Variants in KCNQ1 observed in about 807,000 individuals in gnomAD.
KCNQ1 encodes the protein potassium voltage-gated channel subfamily KQT member 1.
KCNQ1 carries 49 observed loss-of-function variants against 72.4 expected under a neutral mutation model. That is an observed-to-expected ratio of 0.68 (90% CI 0.54 to 0.86). KCNQ1 has a LOEUF of 0.86. KCNQ1 is among the 40% of genes least tolerant of loss of function. The pLI is 0.00. For synonymous variants in KCNQ1, 450 were observed against 412.6 expected, an observed-to-expected ratio of 1.09 and a Z score of -1.10; for missense variants, 790 against 945.1, an observed-to-expected ratio of 0.84 and a Z score of 2.15.
At position 2,495,594 on chromosome 11, in the gene KCNQ1, A is replaced by T. The variant is rs1195505539; in HGVS notation, c.387-32334A>T. Among the ~76,000 whole-genome samples, 6 of 151,840 alleles carry T rather than the reference A, an allele frequency of 4.0e-5. No individual in the cohort carries two copies. Among genetic ancestry groups the T allele is most frequent in the Non-Finnish European group, 8.8e-5 (6 of 67,972 alleles). On this transcript the variant is annotated intron_variant, in intron 1 of 15. Transcript: ENST00000155840. The surrounding 1 kb of genome is among the most constrained non-coding windows in gnomAD (Gnocchi z 4.6). The stretch of plus-strand genomic sequence containing the variant: ...TATTTCTGCCTTGATTTTGTTATTT[A>T]CTCAGTAGTCATTCAGTAGCAGGTT...
rs1472286520 is a variant in KCNQ1, at chr11:2,600,460, CCT to C, written c.1393+11607_1393+11608del. On this transcript the variant is annotated intron_variant, in intron 10 of 15. Transcript: ENST00000155840. This position sits in a 1 kb window ranked among gnomAD's most constrained non-coding sequence, Gnocchi z 5.6. ...CCACATTTGCTTTATCATTTGAACC[CCT>C]TTCTCTACATTATATTCACATAACA... 6.6e-6 allele frequency among the ~76,000 whole-genome samples: 1 copy of C among 152,194 alleles called. No individual in the cohort carries two copies. Among genetic ancestry groups the C allele is most frequent in the Admixed American group, 6.5e-5 (1 of 15,276 alleles).
At chr11:2,812,505 C>T (rs994307754) in intron 15 of KCNQ1, among the ~76,000 whole-genome samples, 5 of 152,208 alleles carry the variant, frequency 3.3e-5, no homozygotes, top group Admixed American at 6.5e-5. Context: ...CTGCCGGGGC[C>T]GGAAGGGCAT....
intron 15 of KCNQ1, among the ~76,000 whole-genome samples, chr11:2,806,232 C>T (rs913918512): frequency 6.6e-6 from 1 of 152,074 alleles, no homozygotes; most frequent in African/African-American, 2.4e-5. Flanking sequence ...AAATTTCTCC[C>T]GTAAGTGGTT....
chr11:2,718,006 G>T (rs1286400787), intron 11 of KCNQ1, among the ~76,000 whole-genome samples: 1 of 152,254 alleles, frequency 6.6e-6, no homozygotes, highest in Non-Finnish European at 1.5e-5. Flanking sequence ...GTCTGTCGCA[G>T]AAGTGAACCT....
At chr11:2,667,795 C>T (rs553622058) in intron 11 of KCNQ1, 12 of 398,656 alleles carry the variant, frequency 3.0e-5, no homozygotes, top group Admixed American at 1.3e-4. Flanking sequence ...TAATTAGGCT[C>T]ACCTGGGCTA....
At chr11:2,569,127 G>A (rs1435600761) in intron 2 of KCNQ1, among the ~76,000 whole-genome samples, 1 of 152,116 alleles carries the variant, frequency 6.6e-6, no homozygotes, top group Non-Finnish European at 1.5e-5. Flanking sequence ...CTCGTGATCT[G>A]CCTGCCTCGG....
rs1168555079 is a variant in KCNQ1 at position 2,560,587 on chromosome 11, A to G, written c.478-10041A>G. ...TGGGGGAGACAGTAACATCCCAAACATGGGGGATGATGTCCAGAGTGGGGG... is the reference window on the plus strand; with the variant it reads ...TGGGGGAGACAGTAACATCCCAAACGTGGGGGATGATGTCCAGAGTGGGGG... On this transcript the variant is annotated intron_variant, in intron 2 of 15. Coordinates refer to ENST00000155840, the MANE Select transcript of KCNQ1 (RefSeq NM_000218.3). Among the ~76,000 whole-genome samples the G allele has an allele frequency of 2.1e-5, 3 of 140,476 alleles. No individual in the cohort carries two copies. In the East Asian group the frequency reaches 6.9e-4, roughly 32 times the overall value. 92.2% of individuals were successfully genotyped at this position (140,476 alleles called of 152,430 possible).
At chr11:2,680,549 A>C (rs1850378710) in intron 11 of KCNQ1, 1 of 398,434 alleles carries the variant, frequency 2.5e-6, no homozygotes, top group South Asian at 1.3e-4. Flanking sequence ...AGTTCTAAGA[A>C]ACAACACAGA....
chr11:2,500,691 G>T (rs886333077), intron 1 of KCNQ1, among the ~76,000 whole-genome samples: 13 of 152,272 alleles, frequency 8.5e-5, no homozygotes, highest in African/African-American at 3.1e-4. Flanking sequence ...GTACTATGCA[G>T]CCATAAAAAA....
At chr11:2,675,948 A>G (rs1425717862) in intron 11 of KCNQ1, 1 of 398,556 alleles carries the variant, frequency 2.5e-6, no homozygotes, top group East Asian at 3.6e-5. Context: ...GGTAAAACCA[A>G]TTCAGAGTAC....
Position 2,588,952 on chromosome 11 carries a change from G to C in KCNQ1, c.1393+98G>C. 1.4e-6 allele frequency: 2 copies of C among 1,411,208 alleles called. No individual in the cohort carries two copies. The highest frequency in any genetic ancestry group is 2.0e-6 in the Non-Finnish European group (2 of 1,022,358). 87.4% of individuals were successfully genotyped at this position (1,411,208 alleles called of 1,614,324 possible). On this transcript the variant is annotated intron_variant, in intron 10 of 15. Transcript: ENST00000155840. This position sits in a 1 kb window ranked among gnomAD's most constrained non-coding sequence, Gnocchi z 5.6. ...CCAGTGAGTTTCTCCCTTGGGCTGT[G>C]GTCTCTGACAACGAGGTATGAACAG...
At chr11:2,628,294 A>G (rs2106462) in intron 10 of KCNQ1, 34,674 of 398,388 alleles carry the variant, frequency 0.087, 1,568 homozygotes, top group South Asian at 0.14. Context: ...CCTCACCAAC[A>G]CTTGCTATCT....
At chr11:2,454,991 C>T (rs957565262) in intron 1 of KCNQ1, among the ~76,000 whole-genome samples, 4 of 152,048 alleles carry the variant, frequency 2.6e-5, no homozygotes, top group South Asian at 4.1e-4. Flanking sequence ...CTCCCTTCAC[C>T]GATGATGATA....
rs1406611867 is a variant in KCNQ1 at position 2,598,360 on chromosome 11, A to T, written c.1393+9506A>T. Among the ~76,000 whole-genome samples the T allele has an allele frequency of 6.6e-6, 1 of 152,154 alleles. No homozygotes were observed. Among genetic ancestry groups the T allele is most frequent in the Non-Finnish European group, 1.5e-5 (1 of 68,026 alleles). ...TATCACTGTTATTTATTTCTAATTTAGTAGGCTTACAGTGAAAGGATGTAG... is the reference window on the plus strand; with the variant it reads ...TATCACTGTTATTTATTTCTAATTTTGTAGGCTTACAGTGAAAGGATGTAG... On this transcript the variant is annotated intron_variant, in intron 10 of 15. Transcript: ENST00000155840. The surrounding 1 kb of genome is among the most constrained non-coding windows in gnomAD (Gnocchi z 6.2).
chr11:2,475,927 A>G lies in KCNQ1; in HGVS notation c.386+30443A>G, dbSNP rs1373040502. On this transcript the variant is annotated intron_variant, in intron 1 of 15. Transcript: ENST00000155840. This position sits in a 1 kb window ranked among gnomAD's most constrained non-coding sequence, Gnocchi z 5.8. ...CCAGCCACATGGAACTGTAAGTCCA[A>G]TTAAACCTCTTTCTTTTGTACATTT... Among the ~76,000 whole-genome samples the G allele has an allele frequency of 3.3e-5, 5 of 152,218 alleles. No homozygotes were observed. The highest frequency in any genetic ancestry group is 2.6e-4 in the Admixed American group (4 of 15,278).
intron 2 of KCNQ1, among the ~76,000 whole-genome samples, chr11:2,568,097 C>T (rs1848272257): frequency 6.6e-6 from 1 of 151,948 alleles, no homozygotes; most frequent in Non-Finnish European, 1.5e-5. Flanking sequence ...GGCAAAACCC[C>T]ATCTCTACTA....
chr11:2,625,323 A>G, intron 10 of KCNQ1: 1 of 398,596 alleles, frequency 2.5e-6, no homozygotes, highest in Non-Finnish European at 4.4e-6. Flanking sequence ...TGATCATGGC[A>G]CACTGCAGCC....
chr11:2,501,920 G>T (rs1847019990), intron 1 of KCNQ1, among the ~76,000 whole-genome samples: 1 of 152,048 alleles, frequency 6.6e-6, no homozygotes, highest in Non-Finnish European at 1.5e-5. Context: ...GTGATACATC[G>T]TATCAACAGA....
chr11:2,796,855 C>T (rs552672006), intron 15 of KCNQ1, among the ~76,000 whole-genome samples: 111 of 152,190 alleles, frequency 7.3e-4, no homozygotes, highest in Non-Finnish European at 1.4e-3. Context: ...GGTGAGAAAA[C>T]GATGGGGCAG....
Sources: allele counts gnomAD v4.1 joint callset (sites outside exome capture counted in the v4.1 genomes callset), GRCh38; gene constraint gnomAD v4.1.1; non-coding constraint Gnocchi (gnomAD v3.1); transcripts MANE v1.5; gene names NCBI Gene and HGNC (gene_info 2026-07-23, HGNC 2026-07-21).